GRID2: variants seen among roughly 807,000 people sequenced by gnomAD.
The protein encoded by GRID2 is glutamate receptor ionotropic, delta-2.
In GRID2, 33 loss-of-function variants were observed where a neutral mutation model predicts 114.8. The ratio of observed to expected loss-of-function variants is 0.29; its 90% CI spans 0.22 to 0.38. The LOEUF is 0.38. GRID2 is among the 10% of genes least tolerant of loss of function. The pLI, the probability that GRID2 is intolerant of heterozygous loss-of-function variation, is 1.00. For synonymous variants in GRID2, 505 were observed against 449.9 expected, an observed-to-expected ratio of 1.12 and a Z score of -1.55; for missense variants, 1,184 against 1,257.7, an observed-to-expected ratio of 0.94 and a Z score of 0.89.
chr4:92,799,446 G>A (rs990256178), intron 2 of GRID2, among the ~76,000 whole-genome samples: 7 of 151,950 alleles, frequency 4.6e-5, no homozygotes, highest in Non-Finnish European at 7.4e-5. Flanking sequence ...TTTATTTCTC[G>A]CTGTTTTAGT....
At chr4:92,355,494 G>A (rs1728274372) in intron 1 of GRID2, among the ~76,000 whole-genome samples, 1 of 151,570 alleles carries the variant, frequency 6.6e-6, no homozygotes, top group East Asian at 1.9e-4. Context: ...TTCTTTTAGG[G>A]TGACTTTCAT....
intron 1 of GRID2, among the ~76,000 whole-genome samples, chr4:92,421,205 G>A (rs907879137): frequency 6.6e-6 from 1 of 151,372 alleles, no homozygotes; most frequent in African/African-American, 2.4e-5. Context: ...TTATTTGTTT[G>A]TTGAGTGCTC....
intron 14 of GRID2, among the ~76,000 whole-genome samples, chr4:93,657,288 A>G (rs1184924169): frequency 6.6e-6 from 1 of 152,150 alleles, no homozygotes; most frequent in Non-Finnish European, 1.5e-5. Context: ...TAATACTTTA[A>G]TGTATTTAGA....
At chr4:93,465,577 A>T (rs10019237) in intron 11 of GRID2, among the ~76,000 whole-genome samples, 2 of 152,130 alleles carry the variant, frequency 1.3e-5, no homozygotes, top group African/African-American at 4.8e-5. Context: ...GAACTCATGG[A>T]TATAAAACTA....
chr4:93,060,369 G>T (rs532510456), intron 2 of GRID2, among the ~76,000 whole-genome samples: 3 of 152,224 alleles, frequency 2.0e-5, no homozygotes, highest in Non-Finnish European at 2.9e-5. Flanking sequence ...GTTTCTGACT[G>T]CCTGCTATAT....
intron 2 of GRID2, among the ~76,000 whole-genome samples, chr4:92,873,604 A>C (rs1354428070): frequency 6.6e-6 from 1 of 152,324 alleles, no homozygotes; most frequent in South Asian, 2.1e-4. Context: ...TGTATATCTA[A>C]AGCTAAAATT....
rs889616928 is a variant in GRID2, at chr4:92,920,607, G to A, written c.245-164388G>A. Among the ~76,000 whole-genome samples, 16 of 151,980 alleles carry A rather than the reference G, an allele frequency of 1.1e-4. No individual in the cohort carries two copies. In the South Asian group the frequency reaches 1.2e-3, roughly 12 times the overall value. On this transcript the variant is annotated intron_variant, in intron 2 of 15. Coordinates refer to ENST00000282020, the MANE Select transcript of GRID2 (RefSeq NM_001510.4). ...GATTTTATTTCTTCTTCACTTATGA[G>A]GCTTAGTTTGGCTGGATATGAAATT...
intron 2 of GRID2, among the ~76,000 whole-genome samples, chr4:92,598,633 C>A (rs958347608): frequency 6.6e-6 from 1 of 152,062 alleles, no homozygotes; most frequent in Non-Finnish European, 1.5e-5. Context: ...GGCCCTTGAA[C>A]ACACCTACTA....
chr4:92,362,158 C>A (rs1296012618), intron 1 of GRID2, among the ~76,000 whole-genome samples: 1 of 151,990 alleles, frequency 6.6e-6, no homozygotes, highest in African/African-American at 2.4e-5. Flanking sequence ...AATAATGTCA[C>A]CATTGCTCAT....
intron 1 of GRID2, among the ~76,000 whole-genome samples, chr4:92,374,706 T>C (rs1369256217): frequency 6.6e-6 from 1 of 152,188 alleles, no homozygotes; most frequent in East Asian, 1.9e-4. Context: ...TGAGATTGGG[T>C]ATTAACCTGG....
intron 2 of GRID2, among the ~76,000 whole-genome samples, chr4:92,737,930 T>C (rs1736681112): frequency 6.6e-6 from 1 of 152,168 alleles, no homozygotes; most frequent in South Asian, 2.1e-4. Context: ...CTACAACTGT[T>C]AATTTCCCGG....
chr4:92,975,869 C>A (rs929587317), intron 2 of GRID2, among the ~76,000 whole-genome samples: 1 of 151,986 alleles, frequency 6.6e-6, no homozygotes, highest in Non-Finnish European at 1.5e-5. Context: ...TCTTCTGCTC[C>A]TAAGGTGTAG....
intron 8 of GRID2, among the ~76,000 whole-genome samples, chr4:93,349,837 C>T (rs956994069): frequency 6.6e-6 from 1 of 151,826 alleles, no homozygotes. Flanking sequence ...TTCTCTATGC[C>T]TTAAACTCAG....
intron 1 of GRID2, among the ~76,000 whole-genome samples, chr4:92,326,928 C>T (rs1726627451): frequency 1.3e-5 from 2 of 151,886 alleles, no homozygotes; most frequent in Non-Finnish European, 2.9e-5. Flanking sequence ...CTCAGGTAGT[C>T]CCCTTGCCAA....
intron 2 of GRID2, among the ~76,000 whole-genome samples, chr4:92,694,733 C>A (rs1734346389): frequency 1.3e-5 from 2 of 152,048 alleles, no homozygotes; most frequent in Admixed American, 1.3e-4. Context: ...AAATAGTTAC[C>A]AAAATATGTG....
At chr4:92,378,436 T>A (rs1013564629) in intron 1 of GRID2, among the ~76,000 whole-genome samples, 1 of 152,142 alleles carries the variant, frequency 6.6e-6, no homozygotes, top group Non-Finnish European at 1.5e-5. Context: ...AGCCTCTCAA[T>A]TGGTATGTCC....
At chr4:92,328,233 A>G (rs1726696231) in intron 1 of GRID2, among the ~76,000 whole-genome samples, 1 of 152,026 alleles carries the variant, frequency 6.6e-6, no homozygotes, top group African/African-American at 2.4e-5. Flanking sequence ...TGCCATGTTA[A>G]ATGTTCTTCT....
At chr4:92,484,554 A>G (rs535163275) in intron 1 of GRID2, among the ~76,000 whole-genome samples, 1 of 152,284 alleles carries the variant, frequency 6.6e-6, no homozygotes, top group South Asian at 2.1e-4. Context: ...AGGTGGAGAG[A>G]CACATTCAAT....
chr4:93,663,023 T>C (rs1050792285), intron 14 of GRID2, among the ~76,000 whole-genome samples: 3 of 152,190 alleles, frequency 2.0e-5, no homozygotes, highest in Non-Finnish European at 4.4e-5. Flanking sequence ...GCGAACTCAT[T>C]GTGCTTCCTC....
Sources: allele counts gnomAD v4.1 joint callset (sites outside exome capture counted in the v4.1 genomes callset), GRCh38; gene constraint gnomAD v4.1.1; transcripts MANE v1.5; gene names NCBI Gene and HGNC (gene_info 2026-07-23, HGNC 2026-07-21).